XRN2: variants seen among roughly 807,000 people sequenced by gnomAD.
XRN2 encodes 5'-3' exoribonuclease 2.
A neutral mutation model predicts 138.5 loss-of-function variants in XRN2; 44 were observed. The ratio of observed to expected loss-of-function variants is 0.32; its 90% confidence interval spans 0.25 to 0.41. The LOEUF (loss-of-function observed/expected upper bound fraction) is 0.41, where lower values mean the gene tolerates loss of function less well. XRN2 is among the 10% of genes least tolerant of loss of function. The probability of loss-of-function intolerance (pLI) is 1.00; values close to 1 mark genes in which losing one functional copy is unlikely to be tolerated. For synonymous variants in XRN2, 354 were observed against 369.4 expected (o/e 0.96, Z 0.48); for missense variants, 937 against 1,169.3 (o/e 0.80, Z 2.90).
chr20:21,381,844 C>A (rs2038888674), intron 27 of XRN2, 150 bp from the exon 28 acceptor site: 2 of 541,940 alleles, frequency 3.7e-6, no homozygotes, highest in Non-Finnish European at 6.0e-6. Context: ...TACCTTTTTA[C>A]ATTTGTGGTG....
chr20:21,387,358 C>T (rs2038947344), intron 29 of XRN2, among the ~76,000 whole-genome samples: 1 of 149,012 alleles, frequency 6.7e-6, no homozygotes. Context: ...TGATGATTTT[C>T]TGGAAGCTGG....
At chr20:21,344,647 T>C (rs896839742) in intron 16 of XRN2, among the ~76,000 whole-genome samples, 2 of 152,226 alleles carry the variant, frequency 1.3e-5, no homozygotes, top group Admixed American at 6.5e-5. Context: ...CAAAATGAAA[T>C]ATGCAGAAAT....
chr20:21,323,330 G>C (rs2038074649), intron 1 of XRN2, among the ~76,000 whole-genome samples: 2 of 152,150 alleles, frequency 1.3e-5, no homozygotes, highest in Admixed American at 1.3e-4. Flanking sequence ...TGTGGTCTTG[G>C]GGTAGAAAGG....
chr20:21,375,434 T>G (rs1463167032), intron 27 of XRN2, among the ~76,000 whole-genome samples: 1 of 152,092 alleles, frequency 6.6e-6, no homozygotes, highest in African/African-American at 2.4e-5. Flanking sequence ...ATATATGCAC[T>G]TCAGTGTTAC....
At chr20:21,370,464 AATTT>A (rs1342601882) in intron 27 of XRN2, among the ~76,000 whole-genome samples, 5 of 152,226 alleles carry the variant, frequency 3.3e-5, no homozygotes, top group Non-Finnish European at 5.9e-5. Context: ...AAATGATTGC[AATTT>A]ATTTAATTAA....
At chr20:21,353,926 A>T (rs924375542) in intron 20 of XRN2, among the ~76,000 whole-genome samples, 1 of 152,200 alleles carries the variant, frequency 6.6e-6, no homozygotes, top group African/African-American at 2.4e-5. Flanking sequence ...AATAATCACA[A>T]ATAACAGTGG....
chr20:21,326,245 A>C, intron 1 of XRN2, 34 bp from the exon 2 acceptor site: 1 of 1,601,476 alleles, frequency 6.2e-7, no homozygotes, highest in Admixed American at 1.7e-5. Context: ...AGACTTGAAC[A>C]ATCAAACTAC....
In XRN2 at chr20:21,307,743, C is replaced by T. The variant is rs1020552702; in HGVS notation, c.75+4270C>T. On this transcript the variant is annotated intron_variant, in intron 1 of 29. Transcript: ENST00000377191. ...CCCTTTTGTAGTTCCTTTCTACTAT[C>T]CCTCCCTGCCACCTGTCTTTTGCCA... Among the ~76,000 whole-genome samples, 2 of 76,194 alleles carry T rather than the reference C, an allele frequency of 2.6e-5. 1 individual carries two copies. Among genetic ancestry groups the T allele is most frequent in the African/African-American group, 7.2e-5 (2 of 27,818 alleles). 50.0% of individuals were successfully genotyped at this position (76,194 alleles called of 152,430 possible).
chr20:21,385,890 C>A (rs2038932283), intron 28 of XRN2, among the ~76,000 whole-genome samples: 1 of 152,232 alleles, frequency 6.6e-6, no homozygotes, highest in African/African-American at 2.4e-5. Context: ...TTCCTCCTAA[C>A]ATGGTCAGTG....
intron 1 of XRN2, 151 bp downstream of exon 1, chr20:21,303,624 G>T: frequency 7.3e-7 from 1 of 1,364,204 alleles, no homozygotes; most frequent in South Asian, 1.8e-5. Flanking sequence ...CCCCACACGC[G>T]ATGGGACGCG....
chr20:21,310,537 T>C (rs2037865691), intron 1 of XRN2, among the ~76,000 whole-genome samples: 1 of 152,312 alleles, frequency 6.6e-6, no homozygotes, highest in African/African-American at 2.4e-5. Flanking sequence ...AATACACTTA[T>C]TATGAAATGA....
chr20:21,356,014 C>T (rs2038571590), intron 21 of XRN2, 66 bp from the exon 22 acceptor site: 2 of 1,141,264 alleles, frequency 1.8e-6, no homozygotes, highest in East Asian at 4.9e-5. Context: ...GTTTTATGCT[C>T]ATAAAAATTG....
chr20:21,329,149 A>C (rs548913639), intron 4 of XRN2, among the ~76,000 whole-genome samples: 10 of 152,278 alleles, frequency 6.6e-5, no homozygotes, highest in African/African-American at 2.4e-4. Flanking sequence ...TTGCCAAGTC[A>C]TTTGCATACT....
chr20:21,346,648 C>A, intron 17 of XRN2, 98 bp downstream of exon 17: 1 of 1,461,116 alleles, frequency 6.8e-7, no homozygotes. Flanking sequence ...GAGACGGAGT[C>A]TTGCCCTGTC....
At chr20:21,327,043 G>T (rs2038138096) in intron 3 of XRN2, among the ~76,000 whole-genome samples, 1 of 152,152 alleles carries the variant, frequency 6.6e-6, no homozygotes, top group African/African-American at 2.4e-5. Context: ...GTGGTGGTGG[G>T]AGATGGATGG....
At chr20:21,315,828 T>C (rs1349615107) in intron 1 of XRN2, among the ~76,000 whole-genome samples, 4 of 152,252 alleles carry the variant, frequency 2.6e-5, no homozygotes, top group Admixed American at 6.5e-5. Context: ...GGTTGTCCTA[T>C]TGAAGTGTAA....
At chr20:21,365,037 A>T (rs1339886570) in intron 24 of XRN2, among the ~76,000 whole-genome samples, 2 of 152,232 alleles carry the variant, frequency 1.3e-5, no homozygotes, top group Non-Finnish European at 2.9e-5. Context: ...AATAAGAGCT[A>T]ATCTGCCTCA....
intron 20 of XRN2, 98 bp downstream of exon 20, chr20:21,349,559 A>G (rs2038480668): frequency 9.7e-7 from 1 of 1,030,632 alleles, no homozygotes; most frequent in African/African-American, 1.6e-5. Flanking sequence ...CCTGGGCAAC[A>G]TGGTGAAATC....
intron 8 of XRN2, 63 bp from the exon 9 acceptor site, chr20:21,332,220 T>TC: frequency 1.3e-6 from 2 of 1,555,638 alleles, no homozygotes; most frequent in Non-Finnish European, 1.7e-6. Context: ...CTCATAGTAG[T>TC]TTATGGTAAG....
Sources: gnomAD v4.1 joint callset for allele counts (sites outside exome capture counted in the v4.1 genomes callset) on GRCh38, gnomAD v4.1.1 for gene constraint, MANE v1.5 for transcripts, NCBI Gene and HGNC (gene_info 2026-07-23, HGNC 2026-07-21) for gene names.